The following GALNTL6 variants were observed in gnomAD, a reference collection of about 807,000 sequenced individuals.
The protein encoded by GALNTL6 is polypeptide N-acetylgalactosaminyltransferase-like 6.
Under a neutral mutation model 73.7 loss-of-function variants are expected in GALNTL6, and 46 were observed. That is an observed-to-expected ratio of 0.62 (90% CI 0.49 to 0.80). The LOEUF (loss-of-function observed/expected upper bound fraction) is 0.80, where lower values mean the gene tolerates loss of function less well. GALNTL6 is among the 30% of genes least tolerant of loss of function. GALNTL6 has a pLI of 0.00. For synonymous variants in GALNTL6, 259 were observed against 263.7 expected (o/e 0.98, Z 0.17); for missense variants, 604 against 755.0 (o/e 0.80, Z 2.34).
At chr4:172,125,361 T>C (rs1177830466) in intron 2 of GALNTL6, among the ~76,000 whole-genome samples, 1 of 152,186 alleles carries the variant, frequency 6.6e-6, no homozygotes, top group Non-Finnish European at 1.5e-5. Flanking sequence ...AGAAGATGGT[T>C]GAATGGTTGA....
At chr4:172,384,272 A>G (rs966962976) in intron 5 of GALNTL6, among the ~76,000 whole-genome samples, 2 of 152,058 alleles carry the variant, frequency 1.3e-5, no homozygotes, top group African/African-American at 4.8e-5. Flanking sequence ...TACTGTTTCA[A>G]TCTCTTTACT....
intron 7 of GALNTL6, among the ~76,000 whole-genome samples, chr4:172,865,628 A>C (rs1471553115): frequency 6.6e-6 from 1 of 152,202 alleles, no homozygotes; most frequent in Non-Finnish European, 1.5e-5. Flanking sequence ...ATACACATAA[A>C]TCACTGTTTA....
At chr4:171,870,294 A>G (rs1736101803) in intron 2 of GALNTL6, among the ~76,000 whole-genome samples, 1 of 152,192 alleles carries the variant, frequency 6.6e-6, no homozygotes, top group South Asian at 2.1e-4. Flanking sequence ...AAGGGAGATA[A>G]TACATCCTTC....
intron 12 of GALNTL6, among the ~76,000 whole-genome samples, chr4:173,039,598 C>A (rs1212715120): frequency 6.6e-6 from 1 of 152,136 alleles, no homozygotes; most frequent in African/African-American, 2.4e-5. Context: ...CATATACTTA[C>A]TATTTTCAAA....
intron 4 of GALNTL6, among the ~76,000 whole-genome samples, chr4:172,348,157 C>A: frequency 6.6e-6 from 1 of 152,140 alleles, no homozygotes; most frequent in East Asian, 1.9e-4. Context: ...TTCAGGAAGT[C>A]CATCTAAACC....
chr4:172,781,766 G>A (rs1019131478), intron 5 of GALNTL6, among the ~76,000 whole-genome samples: 1 of 152,066 alleles, frequency 6.6e-6, no homozygotes, highest in African/African-American at 2.4e-5. Flanking sequence ...TGCCTTTAGA[G>A]AGGGAAACTG....
intron 2 of GALNTL6, among the ~76,000 whole-genome samples, chr4:171,876,712 G>A (rs530338879): frequency 6.6e-6 from 1 of 152,302 alleles, no homozygotes; most frequent in South Asian, 2.1e-4. Flanking sequence ...TACATCTTCT[G>A]AGTTGTGAAT....
At chr4:171,965,698 AC>A (rs1361885050) in intron 2 of GALNTL6, among the ~76,000 whole-genome samples, 1 of 151,406 alleles carries the variant, frequency 6.6e-6, no homozygotes, top group Non-Finnish European at 1.5e-5. Flanking sequence ...ATGGGATAAT[AC>A]CATATGAATT....
At chr4:171,959,839 A>G (rs1739169597) in intron 2 of GALNTL6, among the ~76,000 whole-genome samples, 1 of 152,358 alleles carries the variant, frequency 6.6e-6, no homozygotes, top group Non-Finnish European at 1.5e-5. Context: ...GCAAATAGAA[A>G]TAATCTCCCT....
At chr4:171,881,456 A>T (rs1179247627) in intron 2 of GALNTL6, among the ~76,000 whole-genome samples, 2 of 151,904 alleles carry the variant, frequency 1.3e-5, no homozygotes, top group African/African-American at 4.8e-5. Flanking sequence ...TCTCTTTTTC[A>T]TGTTTTTCTG....
At chr4:172,135,943 A>C (rs549219142) in intron 2 of GALNTL6, among the ~76,000 whole-genome samples, 31 of 152,296 alleles carry the variant, frequency 2.0e-4, no homozygotes, top group Non-Finnish European at 4.0e-4. Context: ...AAATTTTTAA[A>C]AGACAGAGAT....
At position 172,373,650 on chromosome 4, in the gene GALNTL6, G is replaced by A. The variant is rs183730127; in HGVS notation, c.553+24961G>A. ...ACTTCAGGGTTGATTCCCTCTTCAA[G>A]TAGGGGACAACAAATGGGTAACTTG... is the stretch of plus-strand genomic sequence containing the variant. On this transcript the variant is annotated intron_variant, in intron 5 of 12. Coordinates refer to ENST00000506823, the MANE Select transcript of GALNTL6 (RefSeq NM_001034845.3). Among the ~76,000 whole-genome samples, 260 of 152,260 alleles carry A rather than the reference G, an allele frequency of 1.7e-3. 2 individuals carry two copies. Among genetic ancestry groups the A allele is most frequent in the Non-Finnish European group, 3.2e-3 (217 of 68,020 alleles).
intron 3 of GALNTL6, among the ~76,000 whole-genome samples, chr4:172,297,612 C>G (rs1187629974): frequency 1.3e-5 from 2 of 152,182 alleles, no homozygotes; most frequent in African/African-American, 4.8e-5. Flanking sequence ...ATAGGGAATC[C>G]TTTCCCCATT....
intron 5 of GALNTL6, among the ~76,000 whole-genome samples, chr4:172,698,698 A>G (rs1358511663): frequency 2.0e-5 from 3 of 152,178 alleles, no homozygotes; most frequent in African/African-American, 7.2e-5. Flanking sequence ...AGTCACATAA[A>G]TTCTCCACAT....
intron 5 of GALNTL6, among the ~76,000 whole-genome samples, chr4:172,804,860 G>C (rs1008603933): frequency 6.6e-6 from 1 of 152,176 alleles, no homozygotes; most frequent in African/African-American, 2.4e-5. Flanking sequence ...AGTGACCAGA[G>C]AAAATGCCCT....
chr4:172,141,882 A>C lies in GALNTL6; in HGVS notation c.139-87774A>C, dbSNP rs3138712. Among the ~76,000 whole-genome samples, 1,008 of 108,938 alleles carry C rather than the reference A, an allele frequency of 9.3e-3. 15 individuals carry two copies. The highest frequency in any genetic ancestry group is 0.034 in the African/African-American group (958 of 28,530). The allele number at this position is 108,938 out of a possible 152,430, so 71.5% of individuals were successfully genotyped here. ...AGGACTAATGACAAGAACACACACA[A>C]ACACACACACACACACACACACACA... On this transcript the variant is annotated intron_variant, in intron 2 of 12. Coordinates refer to ENST00000506823, the MANE Select transcript of GALNTL6 (RefSeq NM_001034845.3).
chr4:172,609,653 G>A (rs2111045885), intron 5 of GALNTL6, among the ~76,000 whole-genome samples: 1 of 150,586 alleles, frequency 6.6e-6, no homozygotes, highest in Middle Eastern at 3.4e-3. Context: ...GTGTGTGTGT[G>A]TGTGTGTGTG....
intron 2 of GALNTL6, among the ~76,000 whole-genome samples, chr4:171,859,802 TCCTCAGACTGCAGC>T (rs1578917758): frequency 6.6e-6 from 1 of 152,286 alleles, no homozygotes; most frequent in East Asian, 1.9e-4. Flanking sequence ...TGACTTCAGC[TCCTCAGACTGCAGC>T]CCTGCCCTGC....
At chr4:172,018,655 G>C (rs547289235) in intron 2 of GALNTL6, among the ~76,000 whole-genome samples, 1 of 152,104 alleles carries the variant, frequency 6.6e-6, no homozygotes, top group African/African-American at 2.4e-5. Context: ...AAGCAAGTGG[G>C]GCTTTTAGGC....
Sources: allele counts gnomAD v4.1 joint callset (sites outside exome capture counted in the v4.1 genomes callset), GRCh38; gene constraint gnomAD v4.1.1; transcripts MANE v1.5; gene names NCBI Gene and HGNC (gene_info 2026-07-23, HGNC 2026-07-21).